STRIP2: variants seen among roughly 807,000 people sequenced by gnomAD.
The protein encoded by STRIP2 is striatin-interacting protein 2.
In STRIP2, 84 loss-of-function variants were observed where a neutral mutation model predicts 107.1. That is an observed-to-expected ratio of 0.78 (90% CI 0.66 to 0.94). The LOEUF (loss-of-function observed/expected upper bound fraction) is 0.94, where lower values mean the gene tolerates loss of function less well. Ranked by LOEUF, STRIP2 falls within the 40% of genes least tolerant of loss-of-function variation. STRIP2 has a pLI of 0.00. For synonymous variants in STRIP2, 394 were observed against 400.4 expected (o/e 0.98, Z 0.19); for missense variants, 888 against 1,034.2 (o/e 0.86, Z 1.94).
intron 3 of STRIP2, among the ~76,000 whole-genome samples, chr7:129,444,460 T>G (rs1042225814): frequency 3.9e-5 from 6 of 152,204 alleles, no homozygotes; most frequent in Non-Finnish European, 8.8e-5. Flanking sequence ...TTCATGTTTT[T>G]CTGCCTGTTT....
Position 129,476,779 on chromosome 7 carries a change from C to T in STRIP2, c.1945-4006C>T, listed in dbSNP as rs374993751. ...TTCACTTCCCAGACGGGGTGGCGGC[C>T]GGGCAGAGGCTGCAATCTCGGCACT... On this transcript the variant is annotated intron_variant, in intron 18 of 20. Coordinates refer to ENST00000249344, the MANE Select transcript of STRIP2 (RefSeq NM_020704.3). Among the ~76,000 whole-genome samples, 6 of 152,246 alleles carry T rather than the reference C, an allele frequency of 3.9e-5. No individual in the cohort carries two copies. In the South Asian group the frequency reaches 8.3e-4, roughly 21 times the overall value.
intron 19 of STRIP2, among the ~76,000 whole-genome samples, chr7:129,481,122 A>G (rs902482200): frequency 5.9e-5 from 9 of 152,204 alleles, no homozygotes; most frequent in African/African-American, 1.4e-4. Context: ...CAACTCTAGC[A>G]GGGAAGCTAG....
At chr7:129,473,615 C>T (rs1195282006) in intron 18 of STRIP2, among the ~76,000 whole-genome samples, 1 of 152,128 alleles carries the variant, frequency 6.6e-6, no homozygotes, top group Non-Finnish European at 1.5e-5. Context: ...AGCAATCTGC[C>T]CTCCTTGGCC....
chr7:129,453,097 C>CT, intron 4 of STRIP2, 130 bp from the exon 5 acceptor site: 1 of 1,345,160 alleles, frequency 7.4e-7, no homozygotes, highest in Non-Finnish European at 1.0e-6. Context: ...TCTTGGGGCC[C>CT]CTGTCATACC....
intron 16 of STRIP2, among the ~76,000 whole-genome samples, chr7:129,466,065 G>A (rs1798663484): frequency 6.6e-6 from 1 of 152,216 alleles, no homozygotes; most frequent in African/African-American, 2.4e-5. Context: ...GCTGGGAGGA[G>A]TAGTGGTAGG....
rs767323957 is a variant in STRIP2 at position 129,483,086 on chromosome 7, G to A, written c.2254+40G>A. 1.3e-5 allele frequency: 21 copies of A among 1,605,864 alleles called. No homozygotes were observed. Among genetic ancestry groups the A allele is most frequent in the Non-Finnish European group, 1.7e-5 (20 of 1,174,680 alleles). On this transcript the variant is annotated intron_variant, in intron 20 of 20. Coordinates refer to ENST00000249344, the MANE Select transcript of STRIP2 (RefSeq NM_020704.3). The surrounding 1 kb of genome is among the most constrained non-coding windows in gnomAD (Gnocchi z 5.1). Reference sequence around the variant, plus strand: ...AGCTCTTGACTTCCTGGAGTTTCCTGGGGTTTAGACAAAACTAAATAAATA... The same window carrying A: ...AGCTCTTGACTTCCTGGAGTTTCCTAGGGTTTAGACAAAACTAAATAAATA...
chr7:129,444,812 A>G (rs1797991326), intron 3 of STRIP2, among the ~76,000 whole-genome samples: 1 of 152,184 alleles, frequency 6.6e-6, no homozygotes, highest in Non-Finnish European at 1.5e-5. Flanking sequence ...CCCAAATACT[A>G]TTATATAAAG....
Position 129,458,646 on chromosome 7 carries a change from GT to G in STRIP2, c.1275-61del, listed in dbSNP as rs1460528958. ...GATTGGAGGGATAGGAGCCCGGAAA[GT>G]TTTTCTCTCTCAAAGTTTGCTTTTC... On this transcript the variant is annotated intron_variant, in intron 10 of 20. Coordinates refer to ENST00000249344, the MANE Select transcript of STRIP2 (RefSeq NM_020704.3). The surrounding 1 kb of genome is among the most constrained non-coding windows in gnomAD (Gnocchi z 4.6). 9.5e-6 allele frequency: 15 copies of G among 1,585,122 alleles called. No homozygotes were observed. The highest frequency in any genetic ancestry group is 8.7e-7 in the Non-Finnish European group (1 of 1,154,656).
chr7:129,445,936 C>T (rs948950921), intron 3 of STRIP2, among the ~76,000 whole-genome samples: 1 of 152,162 alleles, frequency 6.6e-6, no homozygotes, highest in African/African-American at 2.4e-5. Context: ...CAAACCTCTG[C>T]CCTTTCCATG....
chr7:129,447,565 A>G (rs377262571), intron 3 of STRIP2, among the ~76,000 whole-genome samples: 1 of 152,234 alleles, frequency 6.6e-6, no homozygotes, highest in East Asian at 1.9e-4. Context: ...GGAAGCAAAA[A>G]GCGATCAAGG....
chr7:129,455,836 G>A (rs1272925497), intron 8 of STRIP2, among the ~76,000 whole-genome samples: 1 of 152,010 alleles, frequency 6.6e-6, no homozygotes, highest in Non-Finnish European at 1.5e-5. Context: ...GCCTCCCTGT[G>A]TTGCCTGGGC....
Position 129,467,451 on chromosome 7 carries a change from G to A in STRIP2, c.1877+1G>A, listed in dbSNP as rs1288258933. The A allele has an allele frequency of 6.2e-7, 1 of 1,609,136 alleles. No individual in the cohort carries two copies. The highest frequency in any genetic ancestry group is 8.5e-7 in the Non-Finnish European group (1 of 1,176,754). ...TGTCATACATCACTGCCAAAAACAGGTATGAACTCTGGACAGGTTTATTTC... is the reference window on the plus strand; with the variant it reads ...TGTCATACATCACTGCCAAAAACAGATATGAACTCTGGACAGGTTTATTTC... On this transcript the variant is annotated splice_donor_variant, in intron 17 of 20. Coordinates refer to ENST00000249344, the MANE Select transcript of STRIP2 (RefSeq NM_020704.3). LOFTEE classifies it high-confidence loss of function.
chr7:129,448,403 A>C (rs1208262410), intron 3 of STRIP2, among the ~76,000 whole-genome samples: 1 of 152,180 alleles, frequency 6.6e-6, no homozygotes, highest in Non-Finnish European at 1.5e-5. Flanking sequence ...AATTCACTGC[A>C]TAAATTGTTG....
Position 129,460,368 on chromosome 7 carries a change from C to T in STRIP2, c.1472C>T (p.Ser491Phe). ...GAGGAGCTGGAGAAGTGCCCTATGTCTTTGGTGAGCCAAGGAAGCCCTACA... is the reference window on the plus strand; with the variant it reads ...GAGGAGCTGGAGAAGTGCCCTATGTTTTTGGTGAGCCAAGGAAGCCCTACA... ...NEEELEKCPM[S>F]LGEEVVPETP... The change falls in exon 13 of 21, where the codon TCT becomes TTT. Residue 491 changes from serine to phenylalanine, a missense_variant. Coordinates refer to ENST00000249344, the MANE Select transcript of STRIP2 (RefSeq NM_020704.3). 1 of 1,613,548 alleles carries T rather than the reference C, an allele frequency of 6.2e-7. No individual in the cohort carries two copies. Among genetic ancestry groups the T allele is most frequent in the Non-Finnish European group, 8.5e-7 (1 of 1,179,756 alleles).
At chr7:129,445,277 G>C (rs1798005222) in intron 3 of STRIP2, among the ~76,000 whole-genome samples, 1 of 152,000 alleles carries the variant, frequency 6.6e-6, no homozygotes, top group Admixed American at 6.6e-5. Context: ...TGATAGTCTG[G>C]GTCAGTCACC....
At position 129,458,065 on chromosome 7, in the gene STRIP2, G is replaced by A; in HGVS notation, c.1039-150G>A. ...TTATTGGGCCGGGTGGGGACAGTAG[G>A]TTAAGGTGGGGAATTGGATGTTTTC... On this transcript the variant is annotated intron_variant, in intron 9 of 20. Transcript: ENST00000249344. This position sits in a 1 kb window ranked among gnomAD's most constrained non-coding sequence, Gnocchi z 4.6. 1.4e-6 allele frequency: 1 copy of A among 716,624 alleles called. No individual in the cohort carries two copies. 44.4% of individuals were successfully genotyped at this position (716,624 alleles called of 1,614,324 possible). A position where few individuals can be genotyped will look rare whatever the true frequency, so the allele number is the denominator to read the frequency against.
Position 129,464,682 on chromosome 7 carries a change from A to G in STRIP2, c.1720A>G (p.Ile574Val). The G allele has an allele frequency of 1.2e-6, 2 of 1,614,090 alleles. No individual in the cohort carries two copies. The highest frequency in any genetic ancestry group is 2.2e-5 in the East Asian group (1 of 44,862). Residue 574 changes from isoleucine to valine, a missense_variant, in exon 16 of 21, where the codon ATC becomes GTC. Ile to Val is a conservative substitution (Grantham distance 29). Transcript: ENST00000249344. The part of the protein sequence containing the change: ...NRHKEIIVKS[I>V]STLLLLLLKH... The stretch of plus-strand genomic sequence containing the variant: ...GCACAAGGAGATTATTGTAAAGAGT[A>G]TCTCTACCCTGCTTCTGCTACTCCT...
intron 18 of STRIP2, among the ~76,000 whole-genome samples, chr7:129,471,348 CACAATCCAT>C (rs1032499394): frequency 3.3e-5 from 5 of 152,126 alleles, no homozygotes; most frequent in African/African-American, 1.2e-4. Flanking sequence ...TTAGATAAGC[CACAATCCAT>C]ACCTCCAGCC....
intron 2 of STRIP2, among the ~76,000 whole-genome samples, chr7:129,441,725 C>T (rs12539553): frequency 6.6e-6 from 1 of 152,016 alleles, no homozygotes; most frequent in African/African-American, 2.4e-5. Context: ...CCCTACCATG[C>T]CCAGCTAATT....
Sources: gnomAD v4.1 joint callset for allele counts (sites outside exome capture counted in the v4.1 genomes callset) on GRCh38, gnomAD v4.1.1 for gene constraint, Gnocchi (gnomAD v3.1) non-coding constraint, MANE v1.5 for transcripts, NCBI Gene and HGNC (gene_info 2026-07-23, HGNC 2026-07-21) for gene names.